The following AUTS2 variants were observed in gnomAD, a reference collection of about 807,000 sequenced individuals.
The protein encoded by AUTS2 is activator of transcription and developmental regulator AUTS2.
In AUTS2, 17 loss-of-function variants were observed where a neutral mutation model predicts 112.4. That is an observed-to-expected ratio of 0.15 (90% CI 0.10 to 0.23). The LOEUF is 0.23. AUTS2 is among the 10% of genes least tolerant of loss of function. The probability of loss-of-function intolerance (pLI) is 1.00; values close to 1 mark genes in which losing one functional copy is unlikely to be tolerated. For missense variants in AUTS2, 1,510 were observed against 1,701.6 expected, an observed-to-expected ratio of 0.89 and a Z score of 1.98; for synonymous variants, 751 against 702.7, an observed-to-expected ratio of 1.07 and a Z score of -1.09.
rs962286415 is a variant in AUTS2 at position 70,694,515 on chromosome 7, C to G, written c.691-4054C>G. 1 of 149,204 alleles carries G rather than the reference C, an allele frequency of 6.7e-6. No individual in the cohort carries two copies. The highest frequency in any genetic ancestry group is 1.5e-5 in the Non-Finnish European group (1 of 67,070). The allele number at this position is 149,204 out of a possible 1,614,324, so 9.2% of individuals were successfully genotyped here. ...GCGCCCTCCTCCTCCTCCTCCCTCTCCCTCCTCCCTCCCTCCGCACATGGT... is the reference window on the plus strand; with the variant it reads ...GCGCCCTCCTCCTCCTCCTCCCTCTGCCTCCTCCCTCCCTCCGCACATGGT... On this transcript the variant is annotated intron_variant, in intron 5 of 18. Transcript: ENST00000342771. The surrounding 1 kb of genome is among the most constrained non-coding windows in gnomAD (Gnocchi z 4.1).
chr7:69,636,464 A>C (rs1583983398), intron 1 of AUTS2, among the ~76,000 whole-genome samples: 2 of 94,548 alleles, frequency 2.1e-5, no homozygotes, highest in African/African-American at 8.8e-5. Context: ...CGAACTCCTG[A>C]CCTCAAGTGA....
At chr7:69,655,428 T>C (rs1369560564) in intron 1 of AUTS2, among the ~76,000 whole-genome samples, 2 of 152,218 alleles carry the variant, frequency 1.3e-5, no homozygotes, top group African/African-American at 2.4e-5. Flanking sequence ...CTGCAGTGGT[T>C]CTCAAATTAT....
intron 1 of AUTS2, among the ~76,000 whole-genome samples, chr7:69,650,072 A>T (rs1180998517): frequency 6.6e-6 from 1 of 152,240 alleles, no homozygotes; most frequent in Non-Finnish European, 1.5e-5. Context: ...GGGAATGGGT[A>T]GGAGTTAAAA....
At chr7:70,000,658 T>C (rs2129552658) in intron 2 of AUTS2, among the ~76,000 whole-genome samples, 1 of 152,304 alleles carries the variant, frequency 6.6e-6, no homozygotes, top group South Asian at 2.1e-4. Context: ...CTGAGAAATG[T>C]GTGTTTCTAT....
At chr7:70,676,614 T>C (rs905079950) in intron 5 of AUTS2, among the ~76,000 whole-genome samples, 1 of 152,046 alleles carries the variant, frequency 6.6e-6, no homozygotes, top group African/African-American at 2.4e-5. Context: ...CGCTGGCTTA[T>C]GCCTGTAATA....
intron 5 of AUTS2, among the ~76,000 whole-genome samples, chr7:70,557,853 C>T (rs1421381734): frequency 1.3e-5 from 2 of 152,186 alleles, no homozygotes; most frequent in East Asian, 3.9e-4. Flanking sequence ...GCCCTACTTC[C>T]AGCAGCCCTT....
In AUTS2 at chr7:70,614,411, G is replaced by A. The variant is rs553509466; in HGVS notation, c.691-84158G>A. Among the ~76,000 whole-genome samples, 8 of 152,248 alleles carry A rather than the reference G, an allele frequency of 5.3e-5. No homozygotes were observed. The South Asian group carries it at 1.5e-3, about 28-fold the overall frequency. ...TCACAGGCCCTTGAAATGAAGCAAA[G>A]GAAAGTTTTAGTTTCTCTTCTGTAA... On this transcript the variant is annotated intron_variant, in intron 5 of 18. Coordinates refer to ENST00000342771, the MANE Select transcript of AUTS2 (RefSeq NM_015570.4).
intron 4 of AUTS2, among the ~76,000 whole-genome samples, chr7:70,413,310 C>A (rs1794853548): frequency 6.6e-6 from 1 of 152,162 alleles, no homozygotes; most frequent in Admixed American, 6.5e-5. Flanking sequence ...GTGTCTTATT[C>A]CTCTATCCTA....
Position 70,777,169 on chromosome 7 carries a change from G to A in AUTS2, c.1999G>A (p.Val667Ile), listed in dbSNP as rs959384891. The change falls in exon 14 of 19, where the codon GTC becomes ATC. Residue 667 changes from valine to isoleucine, a missense_variant. Transcript: ENST00000342771. Reference sequence around the variant, plus strand: ...GCAGATTTACCACCACCAACAGAAAGTCAAGGTCAGTCCGACCTTCGTGGT... The same window carrying A: ...GCAGATTTACCACCACCAACAGAAAATCAAGGTCAGTCCGACCTTCGTGGT... ...AWQIYHHQQK[V>I]KKQMQSDPHK... 14 of 1,614,050 alleles carry A rather than the reference G, an allele frequency of 8.7e-6. No homozygotes were observed. The highest frequency in any genetic ancestry group is 6.7e-5 in the East Asian group (3 of 44,866).
intron 4 of AUTS2, among the ~76,000 whole-genome samples, chr7:70,399,198 C>A (rs142704506): frequency 1.3e-3 from 192 of 151,868 alleles, no homozygotes; most frequent in African/African-American, 4.3e-3. Context: ...CTAGGTTGCC[C>A]AGGCTGGTCT....
At chr7:69,701,153 C>A (rs1461389335) in intron 1 of AUTS2, among the ~76,000 whole-genome samples, 1 of 152,160 alleles carries the variant, frequency 6.6e-6, no homozygotes, top group East Asian at 1.9e-4. Context: ...CCTGCCTCAT[C>A]TAGTAGTTGT....
chr7:70,721,993 C>A (rs1036723204), intron 6 of AUTS2, among the ~76,000 whole-genome samples: 1 of 152,030 alleles, frequency 6.6e-6, no homozygotes, highest in African/African-American at 2.4e-5. Context: ...ATTGAACTTT[C>A]CTTGCTTGTT....
intron 1 of AUTS2, among the ~76,000 whole-genome samples, chr7:69,634,507 T>G (rs1794427328): frequency 1.3e-5 from 2 of 152,150 alleles, no homozygotes; most frequent in Admixed American, 6.5e-5. Flanking sequence ...TAGTTATATT[T>G]GGGTAGAGGA....
chr7:70,145,625 T>TA (rs1807087239), intron 4 of AUTS2, among the ~76,000 whole-genome samples: 2 of 152,158 alleles, frequency 1.3e-5, no homozygotes, highest in African/African-American at 4.8e-5. Context: ...GTCTATGTTA[T>TA]ACACAGTAGT....
At chr7:70,318,481 C>T (rs551513232) in intron 4 of AUTS2, among the ~76,000 whole-genome samples, 1 of 152,162 alleles carries the variant, frequency 6.6e-6, no homozygotes, top group Admixed American at 6.5e-5. Context: ...ACCTACAAAC[C>T]TAACAGTTTT....
chr7:70,051,643 CG>C (rs1801761553), intron 2 of AUTS2, among the ~76,000 whole-genome samples: 1 of 151,992 alleles, frequency 6.6e-6, no homozygotes. Context: ...CACTTGAACC[CG>C]GAAGGTGAAG....
intron 2 of AUTS2, among the ~76,000 whole-genome samples, chr7:70,045,878 G>A (rs1271056679): frequency 2.7e-5 from 4 of 149,080 alleles, no homozygotes; most frequent in South Asian, 2.1e-4. Context: ...CGCCTGCCTC[G>A]GCCTCCCAAA....
chr7:70,597,261 T>C (rs984925196), intron 5 of AUTS2, among the ~76,000 whole-genome samples: 4 of 152,210 alleles, frequency 2.6e-5, no homozygotes, highest in African/African-American at 9.6e-5. Flanking sequence ...TTAGAAATGA[T>C]TGGGTAATCT....
rs894153767 is a variant in AUTS2, at chr7:70,792,469, G to A, written c.*1473G>A. ...CTAGTATATTAAAGTGCTATCTGAC[G>A]TTGTTATCCTGTTTTTGCAAAAAAA... On this transcript the variant is annotated 3_prime_UTR_variant, in exon 19 of 19. Coordinates refer to ENST00000342771, the MANE Select transcript of AUTS2 (RefSeq NM_015570.4). 10 of 136,410 alleles carry A rather than the reference G, an allele frequency of 7.3e-5. No homozygotes were observed. The highest frequency in any genetic ancestry group is 4.6e-4 in the South Asian group (2 of 4,326). 8.4% of individuals were successfully genotyped at this position (136,410 alleles called of 1,614,324 possible).
Sources: allele counts gnomAD v4.1 joint callset (sites outside exome capture counted in the v4.1 genomes callset), GRCh38; gene constraint gnomAD v4.1.1; non-coding constraint Gnocchi (gnomAD v3.1); transcripts MANE v1.5; gene names NCBI Gene and HGNC (gene_info 2026-07-23, HGNC 2026-07-21).